Variants in PGR observed in about 807,000 individuals in gnomAD.
The protein encoded by PGR is nuclear receptor subfamily 3 group C member 3.
Under a neutral mutation model 76.1 loss-of-function variants are expected in PGR, and 25 were observed. The observed-to-expected ratio is 0.33, with a 90% CI of 0.24 to 0.46. The LOEUF (loss-of-function observed/expected upper bound fraction) is 0.46. Among genes scored for constraint, PGR ranks in the 20% least tolerant of loss-of-function variants. The probability of loss-of-function intolerance (pLI) is 1.00; values close to 1 mark genes in which losing one functional copy is unlikely to be tolerated. For synonymous variants in PGR, 579 were observed against 535.0 expected (o/e 1.08, Z -1.14); for missense variants, 1,172 against 1,225.3 (o/e 0.96, Z 0.65).
intron 2 of PGR, among the ~76,000 whole-genome samples, chr11:101,116,844 T>C (rs1862529337): frequency 6.6e-6 from 1 of 151,758 alleles, no homozygotes; most frequent in African/African-American, 2.4e-5. Flanking sequence ...TAGCTCTCTA[T>C]ACCTAGCAAG....
chr11:101,126,338 T>C (rs1326552714), intron 1 of PGR, among the ~76,000 whole-genome samples, 180 bp from the exon 2 acceptor site: 2 of 152,228 alleles, frequency 1.3e-5, no homozygotes, highest in Non-Finnish European at 1.5e-5. Context: ...GGATTCACCA[T>C]ACTTGCAAAT....
rs200584750 is a variant in PGR, at chr11:101,050,008, C to G, written c.2409G>C (p.Gln803His). Residue 803 changes from glutamine to histidine, a missense_variant, in exon 6 of 8, where the codon CAG (glutamine) becomes CAC (histidine). Coordinates refer to ENST00000325455, the MANE Select transcript of PGR (RefSeq NM_000926.4). ...SFYSLCLTMWQIPQEFVKLQV... is the reference protein window; with the variant it reads ...SFYSLCLTMWHIPQEFVKLQV... The stretch of plus-strand genomic sequence containing the variant: ...GAAGCTTGACAAACTCCTGTGGGAT[C>G]TGCCACATGGTAAGGCATAATGAAT... 141 of 1,611,762 alleles carry G rather than the reference C, an allele frequency of 8.7e-5. No individual in the cohort carries two copies. Among genetic ancestry groups the G allele is most frequent in the Non-Finnish European group, 1.0e-4 (119 of 1,178,322 alleles).
Position 101,128,331 on chromosome 11 carries a change from G to A in PGR, c.740C>T (p.Ala247Val). ...AGCCGCGGCTCCTCCTCCAGCCGCCGCGCCACCCAGAGCCCGAGGTTTGCC... is the reference window on the plus strand; with the variant it reads ...AGCCGCGGCTCCTCCTCCAGCCGCCACGCCACCCAGAGCCCGAGGTTTGCC... ...LKGKPRALGG[A>V]AAGGGAAAVP... The change falls in exon 1 of 8, where the codon GCG becomes GTG. Residue 247 changes from alanine (A) to valine (V), a missense_variant. Ala to Val is a moderately conservative substitution (Grantham distance 64). This residue lies in a region of PGR where 893 missense variants were observed against 785.9 expected (regional missense o/e 1.14). Transcript: ENST00000325455. 3 of 1,597,544 alleles carry A rather than the reference G, an allele frequency of 1.9e-6. No homozygotes were observed. The highest frequency in any genetic ancestry group is 2.2e-5 in the South Asian group (2 of 90,576).
chr11:101,066,888 G>A (rs1860737693), intron 3 of PGR, among the ~76,000 whole-genome samples: 1 of 152,102 alleles, frequency 6.6e-6, no homozygotes, highest in East Asian at 1.9e-4. Flanking sequence ...TTGGACTATT[G>A]TAACATATGC....
chr11:101,073,656 G>A (rs771534073), intron 3 of PGR, among the ~76,000 whole-genome samples: 2 of 151,926 alleles, frequency 1.3e-5, no homozygotes, highest in Admixed American at 6.6e-5. Context: ...GATATCACCA[G>A]TGATCCCACA....
At chr11:101,047,391 T>C (rs1336325095) in intron 6 of PGR, among the ~76,000 whole-genome samples, 1 of 152,162 alleles carries the variant, frequency 6.6e-6, no homozygotes, top group East Asian at 1.9e-4. Context: ...TATTATTAAA[T>C]GTATTCCAGT....
intron 3 of PGR, among the ~76,000 whole-genome samples, chr11:101,081,052 T>C (rs530538747): frequency 6.6e-6 from 1 of 152,226 alleles, no homozygotes; most frequent in East Asian, 1.9e-4. Context: ...CTGGAAAATA[T>C]AGTTGAGGGA....
At chr11:101,052,162 A>T (rs1392446130) in intron 4 of PGR, among the ~76,000 whole-genome samples, 1 of 151,954 alleles carries the variant, frequency 6.6e-6, no homozygotes, top group African/African-American at 2.4e-5. Context: ...TCTTTTAACA[A>T]CCCTTAACTA....
chr11:101,080,636 C>G (rs1861275237), intron 3 of PGR, among the ~76,000 whole-genome samples: 1 of 152,082 alleles, frequency 6.6e-6, no homozygotes, highest in Non-Finnish European at 1.5e-5. Context: ...GGTCCCTAAC[C>G]AAGATGGAAA....
chr11:101,045,011 C>A (rs1859819953), intron 6 of PGR, among the ~76,000 whole-genome samples: 1 of 151,916 alleles, frequency 6.6e-6, no homozygotes, highest in African/African-American at 2.4e-5. Flanking sequence ...CCAGCCTTGG[C>A]CTAATTCCAA....
rs1018063110 is a variant in PGR at position 101,031,748 on chromosome 11, A to G, written c.*7368T>C. ...GGGCTTTGATGGAACTTGGTTCCATAGAAGGAATCCCAGATAAGGCTTTTT... is the reference window on the plus strand; with the variant it reads ...GGGCTTTGATGGAACTTGGTTCCATGGAAGGAATCCCAGATAAGGCTTTTT... On this transcript the variant is annotated 3_prime_UTR_variant, in exon 8 of 8. Coordinates refer to ENST00000325455, the MANE Select transcript of PGR (RefSeq NM_000926.4). 2.6e-5 allele frequency: 6 copies of G among 227,680 alleles called. No individual in the cohort carries two copies. Among genetic ancestry groups the G allele is most frequent in the African/African-American group, 1.3e-4 (6 of 45,042 alleles). 14.1% of individuals were successfully genotyped at this position (227,680 alleles called of 1,614,324 possible). A position where few individuals can be genotyped will look rare whatever the true frequency, so the allele number is the denominator to read the frequency against.
intron 2 of PGR, among the ~76,000 whole-genome samples, chr11:101,104,170 G>A (rs1267995172): frequency 2.0e-5 from 3 of 152,180 alleles, no homozygotes; most frequent in African/African-American, 4.8e-5. Flanking sequence ...ACATAAGGAA[G>A]AGTCATTTTC....
chr11:101,126,294 G>A, intron 1 of PGR, 136 bp from the exon 2 acceptor site: 1 of 803,970 alleles, frequency 1.2e-6, no homozygotes, highest in Non-Finnish European at 2.1e-6. Context: ...TGAAAGACAT[G>A]CAAACTAAAC....
At chr11:101,071,612 C>T (rs1360771345) in intron 3 of PGR, among the ~76,000 whole-genome samples, 2 of 151,556 alleles carry the variant, frequency 1.3e-5, no homozygotes, top group African/African-American at 2.4e-5. Flanking sequence ...CCTAGAATAA[C>T]CATTTTAGAG....
Position 101,107,881 on chromosome 11 carries a change from G to GAAAAAAAAAA in PGR, c.1790-16006_1790-16005insTTTTTTTTTT, listed in dbSNP as rs774077385. Among the ~76,000 whole-genome samples the GAAAAAAAAAA allele has an allele frequency of 2.3e-5, 3 of 132,608 alleles. No individual in the cohort carries two copies. The Admixed American group carries it at 2.3e-4, about 10-fold the overall frequency. 87.0% of individuals were successfully genotyped at this position (132,608 alleles called of 152,430 possible). ...CTGGCTTTGTAAAAAAAAAAAAAAA[G>GAAAAAAAAAA]AAAGAAAAAGGTAGAACTATATGGA... On this transcript the variant is annotated intron_variant, in intron 2 of 7. Coordinates refer to ENST00000325455, the MANE Select transcript of PGR (RefSeq NM_000926.4).
rs577094242 is a variant in PGR at position 101,128,949 on chromosome 11, G to A, written c.122C>T (p.Thr41Ile). The A allele has an allele frequency of 8.1e-6, 13 of 1,609,952 alleles. No homozygotes were observed. The highest frequency in any genetic ancestry group is 8.0e-5 in the African/African-American group (6 of 74,994). The change falls in exon 1 of 8, where the codon ACC (threonine) becomes ATC (isoleucine). Residue 41 changes from threonine to isoleucine, a missense_variant. Thr to Ile is a moderately conservative substitution (Grantham distance 89, BLOSUM62 -1). Around this residue, in one of 4 missense-constraint regions of PGR, gnomAD observed 893 missense variants for 785.9 expected, o/e 1.14. Coordinates refer to ENST00000325455, the MANE Select transcript of PGR (RefSeq NM_000926.4). ...PAAGPFPGSQ[T>I]SDTLPEVSAI... ...CGAAACTTCAGGCAAGGTGTCCGAG[G>A]TCTGGCTCCCCGGGAACGGACCTGC...
At chr11:101,085,130 G>A (rs909648324) in intron 3 of PGR, among the ~76,000 whole-genome samples, 10 of 152,056 alleles carry the variant, frequency 6.6e-5, no homozygotes, top group African/African-American at 1.9e-4. Context: ...ACCACAGAAC[G>A]TAAATTCTTC....
rs1368005160 is a variant in PGR, at chr11:101,036,716, C to T, written c.*2400G>A. ...CATCTACATTGCAGACAGAGATCAA[C>T]ATCGAAGATATCAAACATTTTAACA... On this transcript the variant is annotated 3_prime_UTR_variant, in exon 8 of 8. Transcript: ENST00000325455. The T allele has an allele frequency of 4.9e-6, 1 of 202,150 alleles. No individual in the cohort carries two copies. Among genetic ancestry groups the T allele is most frequent in the African/African-American group, 2.3e-5 (1 of 43,624 alleles). The allele number at this position is 202,150 out of a possible 1,614,324, so 12.5% of individuals were successfully genotyped here.
chr11:101,085,342 G>T (rs1861455405), intron 3 of PGR, among the ~76,000 whole-genome samples: 1 of 148,004 alleles, frequency 6.8e-6, no homozygotes, highest in South Asian at 2.1e-4. Context: ...ATAACTTTGA[G>T]TAAACAATAA....
Sources: gnomAD v4.1 joint callset for allele counts (sites outside exome capture counted in the v4.1 genomes callset) on GRCh38, gnomAD v4.1.1 for gene constraint, gnomAD v4.1.1 regional missense constraint, MANE v1.5 for transcripts, NCBI Gene and HGNC (gene_info 2026-07-23, HGNC 2026-07-21) for gene names.